DEPDC4: variants seen among roughly 807,000 people sequenced by gnomAD.
DEPDC4 encodes the protein DEP domain-containing protein 4.
In DEPDC4, 52 loss-of-function variants were observed where a neutral mutation model predicts 52.0. The observed-to-expected ratio is 1.00, with a 90% CI of 0.80 to 1.26. DEPDC4 has a LOEUF of 1.26. DEPDC4 is among the 50% of genes most tolerant of loss of function. The pLI, the probability that DEPDC4 is intolerant of heterozygous loss-of-function variation, is 0.00. For missense variants in DEPDC4, 530 were observed against 546.9 expected, an observed-to-expected ratio of 0.97 and a Z score of 0.31; for synonymous variants, 201 against 196.8, an observed-to-expected ratio of 1.02 and a Z score of -0.18.
intron 2 of DEPDC4, among the ~76,000 whole-genome samples, chr12:100,262,967 C>CT (rs997350394): frequency 1.3e-5 from 2 of 151,872 alleles, no homozygotes; most frequent in Admixed American, 6.6e-5. Flanking sequence ...ATAAAATTCA[C>CT]TTTTTTTTGA....
At chr12:100,263,981 GA>G (rs1261789260) in intron 1 of DEPDC4, 88 bp from the exon 2 acceptor site, 10 of 1,194,868 alleles carry the variant, frequency 8.4e-6, no homozygotes, top group Non-Finnish European at 1.2e-5. Flanking sequence ...TATGCTTGTT[GA>G]AGGCATATCT....
chr12:100,237,667 C>T (rs896611772), downstream of DEPDC4: 5 of 152,076 alleles, frequency 3.3e-5, no homozygotes, highest in Non-Finnish European at 7.4e-5. Flanking sequence ...TGTTATCCAT[C>T]GAAGAGTTGG....
At position 100,248,991 on chromosome 12, in the gene DEPDC4, G is replaced by C. The variant is rs1442517208; in HGVS notation, c.1375-13C>G. The C allele has an allele frequency of 2.1e-6, 2 of 961,300 alleles. No homozygotes were observed. Among genetic ancestry groups the C allele is most frequent in the Non-Finnish European group, 2.5e-6 (2 of 807,892 alleles). 59.5% of individuals were successfully genotyped at this position (961,300 alleles called of 1,614,324 possible). On this transcript the variant is annotated splice_polypyrimidine_tract_variant and intron_variant, in intron 7 of 9. Transcript: ENST00000550587. Reference sequence around the variant, plus strand: ...AAGTAACTGGTGTCTACACAAAACAGGTATTTTCAAAATATTTAATATGAT... The same window carrying C: ...AAGTAACTGGTGTCTACACAAAACACGTATTTTCAAAATATTTAATATGAT...
chr12:100,237,473 G>T (rs1437437225), downstream of DEPDC4, among the ~76,000 whole-genome samples: 1 of 152,146 alleles, frequency 6.6e-6, no homozygotes, highest in African/African-American at 2.4e-5. Context: ...CTCCCAAAGT[G>T]CTGGGATTAC....
the DEPDC4 span, among the ~76,000 whole-genome samples, chr12:100,278,187 A>G: frequency 6.6e-6 from 1 of 151,926 alleles, no homozygotes; most frequent in Non-Finnish European, 1.5e-5. Context: ...AAAAACTTTA[A>G]GTTTTTTTTG....
At chr12:100,237,185 T>C (rs1320215213), downstream of DEPDC4, among the ~76,000 whole-genome samples, 2 of 150,752 alleles carry the variant, frequency 1.3e-5, no homozygotes, top group African/African-American at 4.9e-5. Context: ...TCTTTCCATA[T>C]GAATTTTAGG....
intron 9 of DEPDC4, among the ~76,000 whole-genome samples, chr12:100,233,488 A>G (rs2096137264): frequency 6.6e-6 from 1 of 152,186 alleles, no homozygotes; most frequent in African/African-American, 2.4e-5. Flanking sequence ...TCATACCTCT[A>G]TACATTACTA....
chr12:100,262,659 T>C (rs75101829), intron 2 of DEPDC4, among the ~76,000 whole-genome samples: 211 of 152,316 alleles, frequency 1.4e-3, no homozygotes, highest in African/African-American at 4.8e-3. Context: ...TATGATGGAA[T>C]AGAAAATTTT....
In DEPDC4 at chr12:100,254,319, CTTTTT is replaced by C. The variant is rs67921438; in HGVS notation, c.879-609_879-605del. Among the ~76,000 whole-genome samples the C allele has an allele frequency of 4.5e-5, 4 of 89,434 alleles. 1 individual carries two copies. The highest frequency in any genetic ancestry group is 8.1e-5 in the Non-Finnish European group (4 of 49,630). 58.7% of individuals were successfully genotyped at this position (89,434 alleles called of 152,430 possible). Reference sequence around the variant, plus strand: ...TTAATGGTATGTCCCTTTTTTTTGACTTTTTTTTTTTTTTTTTTTTTTTTGAGGCA... The same window carrying C: ...TTAATGGTATGTCCCTTTTTTTTGACTTTTTTTTTTTTTTTTTTTGAGGCA... On this transcript the variant is annotated intron_variant, in intron 4 of 9. Coordinates refer to ENST00000550587, the MANE Select transcript of DEPDC4 (RefSeq NM_001364818.2).
upstream of DEPDC4, among the ~76,000 whole-genome samples, chr12:100,270,463 A>G (rs1053882000): frequency 1.3e-5 from 2 of 152,082 alleles, no homozygotes; most frequent in African/African-American, 4.8e-5. Context: ...AATTTCAAGA[A>G]TCTGATTAAC....
intron 1 of DEPDC4, among the ~76,000 whole-genome samples, chr12:100,264,547 C>T (rs2096265045): frequency 6.6e-6 from 1 of 152,010 alleles, no homozygotes; most frequent in Non-Finnish European, 1.5e-5. Context: ...AGCGTGGTGG[C>T]ATGCGCCTGT....
At chr12:100,265,813 G>GTAAAA (rs2096270357) in intron 1 of DEPDC4, among the ~76,000 whole-genome samples, 1 of 152,198 alleles carries the variant, frequency 6.6e-6, no homozygotes, top group Admixed American at 6.5e-5. Context: ...CCCAACCTAT[G>GTAAAA]TAAAAATGTA....
chr12:100,253,753 A>G (rs1297396740), intron 4 of DEPDC4, 38 bp from the exon 5 acceptor site: 1 of 1,122,172 alleles, frequency 8.9e-7, no homozygotes, highest in Non-Finnish European at 1.2e-6. Context: ...AGCAATGGTT[A>G]ACATTTCCAT....
At chr12:100,268,151 G>T (rs1330320409), upstream of DEPDC4, among the ~76,000 whole-genome samples, 1 of 152,188 alleles carries the variant, frequency 6.6e-6, no homozygotes, top group Non-Finnish European at 1.5e-5. Context: ...AAAGCGCTAT[G>T]CCTGTAGTGA....
intron 9 of DEPDC4, among the ~76,000 whole-genome samples, chr12:100,231,987 AT>A (rs1448213019): frequency 6.6e-6 from 1 of 152,146 alleles, no homozygotes; most frequent in Non-Finnish European, 1.5e-5. Flanking sequence ...TCATATATTC[AT>A]TTTTAACTTT....
chr12:100,235,979 A>G (rs1482015141), downstream of DEPDC4, among the ~76,000 whole-genome samples: 1 of 152,214 alleles, frequency 6.6e-6, no homozygotes, highest in Non-Finnish European at 1.5e-5. Flanking sequence ...CACATAGAAT[A>G]ATGGTCTCCA....
intron 8 of DEPDC4, among the ~76,000 whole-genome samples, chr12:100,244,536 G>A (rs140192370): frequency 1.3e-5 from 2 of 151,874 alleles, no homozygotes; most frequent in Non-Finnish European, 1.5e-5. Context: ...GTGCAGTGGC[G>A]TTGATCATGG....
In DEPDC4 at chr12:100,240,166, C is replaced by CT. The variant is rs890076972; in HGVS notation, c.*1725dup. On this transcript the variant is annotated 3_prime_UTR_variant, in exon 10 of 10. Transcript: ENST00000550587. ...ATGACCACAAAATACTTTTTTCCTT[C>CT]TTTTTTTTGAGACAGGCTTCCTTTA... 1.3e-5 allele frequency among the ~76,000 whole-genome samples: 2 copies of CT among 151,586 alleles called. No individual in the cohort carries two copies. The highest frequency in any genetic ancestry group is 4.8e-5 in the African/African-American group (2 of 41,260).
upstream of DEPDC4, chr12:100,267,205 TC>T: frequency 1.0e-6 from 1 of 981,324 alleles, no homozygotes; most frequent in South Asian, 1.7e-5. Context: ...TTACTCTTCG[TC>T]CCCGGTCCCT....
Sources: gnomAD v4.1 joint callset for allele counts (sites outside exome capture counted in the v4.1 genomes callset) on GRCh38, gnomAD v4.1.1 for gene constraint, MANE v1.5 for transcripts, NCBI Gene and HGNC (gene_info 2026-07-23, HGNC 2026-07-21) for gene names.